The following MAGI2 variants were observed in gnomAD, a reference collection of about 807,000 sequenced individuals.
MAGI2 encodes the protein membrane-associated guanylate kinase, WW and PDZ domain-containing protein 2.
Under a neutral mutation model 133.3 loss-of-function variants are expected in MAGI2, and 35 were observed. The observed-to-expected ratio is 0.26, with a 90% CI of 0.20 to 0.35. The LOEUF is 0.35. Ranked by LOEUF, MAGI2 falls within the 10% of genes least tolerant of loss-of-function variation. MAGI2 has a pLI of 1.00. For synonymous variants in MAGI2, 729 were observed against 710.6 expected (o/e 1.03, Z -0.41); for missense variants, 1,636 against 1,863.4 (o/e 0.88, Z 2.25).
At chr7:79,056,663 T>C (rs1813173214) in intron 1 of MAGI2, among the ~76,000 whole-genome samples, 2 of 152,200 alleles carry the variant, frequency 1.3e-5, no homozygotes, top group Non-Finnish European at 2.9e-5. Flanking sequence ...TTTAACATTT[T>C]CAGCTTAATT....
intron 7 of MAGI2, among the ~76,000 whole-genome samples, chr7:78,362,435 G>T (rs2151240257): frequency 6.6e-6 from 1 of 152,296 alleles, no homozygotes; most frequent in African/African-American, 2.4e-5. Context: ...AGAGGGTCGG[G>T]GAGGTAAGTG....
intron 9 of MAGI2, among the ~76,000 whole-genome samples, chr7:78,342,750 G>A (rs1333870520): frequency 6.6e-6 from 1 of 152,120 alleles, no homozygotes; most frequent in Non-Finnish European, 1.5e-5. Context: ...ATAAGTGGGA[G>A]TTGAACAATG....
chr7:78,329,250 AT>A (rs1408945486), intron 9 of MAGI2, among the ~76,000 whole-genome samples: 4 of 152,286 alleles, frequency 2.6e-5, no homozygotes, highest in Admixed American at 1.3e-4. Context: ...AGTGCACTCT[AT>A]CTGTAATTTC....
intron 12 of MAGI2, among the ~76,000 whole-genome samples, chr7:78,192,523 CTT>C (rs35559367): frequency 5.7e-5 from 8 of 139,898 alleles, no homozygotes; most frequent in Non-Finnish European, 4.6e-5. Flanking sequence ...AAAAGGCTGT[CTT>C]TTTTTTTTTT....
At chr7:78,329,570 C>G (rs544896912) in intron 9 of MAGI2, among the ~76,000 whole-genome samples, 5 of 152,266 alleles carry the variant, frequency 3.3e-5, no homozygotes, top group Non-Finnish European at 5.9e-5. Context: ...ATATTTAATT[C>G]AAGGAGTGTT....
At chr7:78,882,415 A>C (rs1268404861) in intron 2 of MAGI2, among the ~76,000 whole-genome samples, 1 of 152,078 alleles carries the variant, frequency 6.6e-6, no homozygotes, top group Admixed American at 6.5e-5. Flanking sequence ...AGATTGATTC[A>C]CAGCTGAATT....
At chr7:78,222,384 A>G (rs191674192) in intron 10 of MAGI2, among the ~76,000 whole-genome samples, 213 of 152,370 alleles carry the variant, frequency 1.4e-3, no homozygotes, top group Middle Eastern at 3.4e-3. Flanking sequence ...ACTGCAAACA[A>G]TAAGTCACAT....
chr7:79,401,751 G>T (rs895746669), intron 1 of MAGI2, among the ~76,000 whole-genome samples: 2 of 151,934 alleles, frequency 1.3e-5, no homozygotes, highest in African/African-American at 4.8e-5. Context: ...CACCTATATA[G>T]AAACAATAAT....
intron 6 of MAGI2, among the ~76,000 whole-genome samples, chr7:78,431,732 T>C (rs1254065414): frequency 2.6e-5 from 4 of 152,098 alleles, no homozygotes; most frequent in African/African-American, 9.7e-5. Context: ...TTAAAGTATG[T>C]TCTCATAGCT....
chr7:78,823,539 C>T lies in MAGI2; in HGVS notation c.418+183551G>A, dbSNP rs1251968782. Among the ~76,000 whole-genome samples, 9 of 145,522 alleles carry T rather than the reference C, an allele frequency of 6.2e-5. No individual in the cohort carries two copies. The East Asian group carries it at 1.6e-3, about 26-fold the overall frequency. On this transcript the variant is annotated intron_variant, in intron 2 of 21. Coordinates refer to ENST00000354212, the MANE Select transcript of MAGI2 (RefSeq NM_012301.4). ...CGGAGCTTGCAGTGAGCCCGGATCG[C>T]GCCACTGCACTCCAGCCTGGGTGAC...
intron 1 of MAGI2, among the ~76,000 whole-genome samples, chr7:79,138,521 C>T (rs192626552): frequency 1.3e-5 from 2 of 152,266 alleles, no homozygotes; most frequent in Non-Finnish European, 2.9e-5. Context: ...CTTCCATATT[C>T]AAATGTAAAA....
At chr7:78,821,260 C>T (rs1299962232) in intron 2 of MAGI2, among the ~76,000 whole-genome samples, 3 of 152,028 alleles carry the variant, frequency 2.0e-5, no homozygotes, top group Non-Finnish European at 4.4e-5. Context: ...TTCATACATG[C>T]CTACTATGTG....
At chr7:79,094,151 C>CCTGCTGCTG (rs1817322423) in intron 1 of MAGI2, among the ~76,000 whole-genome samples, 1 of 152,158 alleles carries the variant, frequency 6.6e-6, no homozygotes, top group African/African-American at 2.4e-5. Flanking sequence ...CCTTTCAAAC[C>CCTGCTGCTG]CTGCTGCTGC....
At chr7:79,101,953 A>C (rs916332980) in intron 1 of MAGI2, among the ~76,000 whole-genome samples, 6 of 151,876 alleles carry the variant, frequency 4.0e-5, no homozygotes, top group Non-Finnish European at 8.8e-5. Flanking sequence ...TATGATATAT[A>C]TTTCTTATCA....
At chr7:78,691,507 C>G (rs1413994622) in intron 2 of MAGI2, among the ~76,000 whole-genome samples, 1 of 152,060 alleles carries the variant, frequency 6.6e-6, no homozygotes, top group Non-Finnish European at 1.5e-5. Context: ...TGGGTGAGAG[C>G]CTTCATCCTG....
rs368874516 is a variant in MAGI2 at position 79,180,898 on chromosome 7, G to A, written c.302-173692C>T. 3.2e-4 allele frequency among the ~76,000 whole-genome samples: 48 copies of A among 152,004 alleles called. No individual in the cohort carries two copies. The East Asian group carries it at 7.5e-3, about 24-fold the overall frequency. ...CAAAAGGGGTACAGGCCCCACGCAA[G>A]TCCAAAATCTAGCAGGGCTGTCAAA... On this transcript the variant is annotated intron_variant, in intron 1 of 21. Transcript: ENST00000354212.
In MAGI2 at chr7:79,453,608, C is replaced by T; in HGVS notation, c.-288G>A. 1 of 1,015,120 alleles carries T rather than the reference C, an allele frequency of 9.9e-7. No homozygotes were observed. 62.9% of individuals were successfully genotyped at this position (1,015,120 alleles called of 1,614,324 possible). Reference sequence around the variant, plus strand: ...GCAGCAGAGGAAGCAGTGGTGGTGGCGTCGGCGGCGGCGGCGGCGGCAGCC... The same window carrying T: ...GCAGCAGAGGAAGCAGTGGTGGTGGTGTCGGCGGCGGCGGCGGCGGCAGCC... On this transcript the variant is annotated 5_prime_UTR_variant, in exon 1 of 22. Coordinates refer to ENST00000354212, the MANE Select transcript of MAGI2 (RefSeq NM_012301.4).
chr7:78,969,893 CA>C lies in MAGI2; in HGVS notation c.418+37196del, dbSNP rs142146421. Among the ~76,000 whole-genome samples the C allele has an allele frequency of 9.2e-3, 1,394 of 152,094 alleles. 29 individuals carry two copies. The highest frequency in any genetic ancestry group is 0.032 in the African/African-American group (1,335 of 41,528). Reference sequence around the variant, plus strand: ...TGCACGTATGAATCCTCAAAGCAAACATTTTTTTGTGTATGAATACCAATAT... The same window carrying C: ...TGCACGTATGAATCCTCAAAGCAAACTTTTTTTGTGTATGAATACCAATAT... On this transcript the variant is annotated intron_variant, in intron 2 of 21. Coordinates refer to ENST00000354212, the MANE Select transcript of MAGI2 (RefSeq NM_012301.4).
At chr7:79,168,889 G>GATATATAT (rs1182056135) in intron 1 of MAGI2, among the ~76,000 whole-genome samples, 17 of 14,564 alleles carry the variant, frequency 1.2e-3, no homozygotes, top group Admixed American at 1.6e-3. Flanking sequence ...TCTAAAGATA[G>GATATATAT]ATATATATAT....
Sources: gnomAD v4.1 joint callset for allele counts (sites outside exome capture counted in the v4.1 genomes callset) on GRCh38, gnomAD v4.1.1 for gene constraint, MANE v1.5 for transcripts, NCBI Gene and HGNC (gene_info 2026-07-23, HGNC 2026-07-21) for gene names.